Variants in PTPRN2 observed in about 807,000 individuals in gnomAD.
PTPRN2 encodes receptor-type tyrosine-protein phosphatase N2.
In PTPRN2, 74 loss-of-function variants were observed where a neutral mutation model predicts 118.8. The ratio of observed to expected loss-of-function variants is 0.62; its 90% confidence interval spans 0.52 to 0.76. The LOEUF (loss-of-function observed/expected upper bound fraction) is 0.76. PTPRN2 is among the 30% of genes least tolerant of loss of function. PTPRN2 has a pLI of 0.00. For synonymous variants in PTPRN2, 641 were observed against 608.0 expected (o/e 1.05, Z -0.80); for missense variants, 1,481 against 1,394.4 (o/e 1.06, Z -0.99).
In PTPRN2 at chr7:157,671,934, G is replaced by A. The variant is rs113755509; in HGVS notation, c.2001+10791C>T. Among the ~76,000 whole-genome samples the A allele has an allele frequency of 6.6e-6, 1 of 152,134 alleles. No homozygotes were observed. Among genetic ancestry groups the A allele is most frequent in the East Asian group, 1.9e-4 (1 of 5,158 alleles). On this transcript the variant is annotated intron_variant, in intron 13 of 22. Transcript: ENST00000389418. The surrounding 1 kb of genome is among the most constrained non-coding windows in gnomAD (Gnocchi z 4.1). ...GTACGGGGAGTTTCTAAAAGTCTAC[G>A]CTGTACCCCAAGAAGGGGACGGGTG...
Position 157,974,860 on chromosome 7 carries a change from G to A in PTPRN2, c.1724-76123C>T, listed in dbSNP as rs1432669514. ...GCTGTGCGGGCGGGCACTGAGAAGA[G>A]GTGCCCACGTCCATCCCCAGCCCCT... On this transcript the variant is annotated intron_variant, in intron 11 of 22. Transcript: ENST00000389418. The surrounding 1 kb of genome is among the most constrained non-coding windows in gnomAD (Gnocchi z 4.0). Among the ~76,000 whole-genome samples, 2 of 152,118 alleles carry A rather than the reference G, an allele frequency of 1.3e-5. No individual in the cohort carries two copies. The highest frequency in any genetic ancestry group is 4.8e-5 in the African/African-American group (2 of 41,408).
chr7:157,907,487 G>A (rs112240785), intron 11 of PTPRN2, among the ~76,000 whole-genome samples: 93 of 148,266 alleles, frequency 6.3e-4, no homozygotes, highest in Middle Eastern at 7.4e-3. Context: ...TGTCCCCTGC[G>A]TGTGGGGTGT....
chr7:158,331,845 A>C, intron 2 of PTPRN2, among the ~76,000 whole-genome samples: 1 of 108,970 alleles, frequency 9.2e-6, no homozygotes, highest in East Asian at 2.5e-4. Context: ...GACGACACTA[A>C]CAACCAGATT....
At chr7:158,305,761 T>G (rs1347792854) in intron 3 of PTPRN2, among the ~76,000 whole-genome samples, 1 of 124,872 alleles carries the variant, frequency 8.0e-6, no homozygotes, top group Admixed American at 8.0e-5. Flanking sequence ...GGAAATTAAC[T>G]AAAGGCTAGC....
At chr7:157,945,830 C>A (rs1781808634) in intron 11 of PTPRN2, among the ~76,000 whole-genome samples, 2 of 152,080 alleles carry the variant, frequency 1.3e-5, no homozygotes, top group South Asian at 4.1e-4. Context: ...GCAAGTCCAG[C>A]CACACCACTT....
At chr7:157,949,438 G>A (rs1291675594) in intron 11 of PTPRN2, among the ~76,000 whole-genome samples, 1 of 152,152 alleles carries the variant, frequency 6.6e-6, no homozygotes, top group East Asian at 1.9e-4. Flanking sequence ...TAAAATTGTT[G>A]AGAACATGGA....
chr7:157,646,734 C>T (rs949471297), intron 14 of PTPRN2, among the ~76,000 whole-genome samples: 8 of 152,184 alleles, frequency 5.3e-5, no homozygotes, highest in South Asian at 4.1e-4. Flanking sequence ...TGCATGGACA[C>T]GGGAGGCTCT....
intron 6 of PTPRN2, among the ~76,000 whole-genome samples, chr7:158,143,889 G>A (rs1162186203): frequency 6.6e-6 from 1 of 152,144 alleles, no homozygotes; most frequent in Non-Finnish European, 1.5e-5. Context: ...ACCTGCATCT[G>A]TAGACACCGC....
At chr7:158,253,459 ACCGGGTGATTG>A (rs1796818521) in intron 3 of PTPRN2, among the ~76,000 whole-genome samples, 1 of 152,182 alleles carries the variant, frequency 6.6e-6, no homozygotes, top group South Asian at 2.1e-4. Context: ...GTTTCCAGTC[ACCGGGTGATTG>A]CCGCGCCTGT....
At chr7:158,190,549 T>C (rs73173690) in intron 5 of PTPRN2, among the ~76,000 whole-genome samples, 53,833 of 151,924 alleles carry the variant, frequency 0.35, 9,819 homozygotes, top group African/African-American at 0.45. Context: ...GGACTGGCCT[T>C]TCATTGTGAG....
chr7:158,207,823 G>T (rs1827276910), intron 3 of PTPRN2, among the ~76,000 whole-genome samples: 3 of 152,126 alleles, frequency 2.0e-5, no homozygotes. Context: ...GAGAGACAGG[G>T]ATAGATATGT....
intron 6 of PTPRN2, among the ~76,000 whole-genome samples, chr7:158,154,761 TAA>T (rs1563527662): frequency 8.4e-5 from 2 of 23,934 alleles, no homozygotes; most frequent in Non-Finnish European, 2.9e-4. Context: ...AAAAAAATCA[TAA>T]GTATATAAGA....
rs147595202 is a variant in PTPRN2, at chr7:158,581,307, C to T, written c.112+6251G>A. On this transcript the variant is annotated intron_variant, in intron 1 of 22. Coordinates refer to ENST00000389418, the MANE Select transcript of PTPRN2 (RefSeq NM_002847.5). ...TAAATTGAAGATAGAAATACCTATG[C>T]GGGTTATTCTGGGGAATACATGTCA... 6.4e-4 allele frequency among the ~76,000 whole-genome samples: 97 copies of T among 152,180 alleles called. 1 individual carries two copies. The highest frequency in any genetic ancestry group is 2.1e-3 in the African/African-American group (88 of 41,518).
In PTPRN2 at chr7:157,868,963, T is replaced by C. The variant is rs769545705; in HGVS notation, c.1788+29710A>G. 6.6e-6 allele frequency: 1 copy of C among 152,140 alleles called. No homozygotes were observed. The highest frequency in any genetic ancestry group is 1.5e-5 in the Non-Finnish European group (1 of 68,014). The allele number at this position is 152,140 out of a possible 1,614,324, so 9.4% of individuals were successfully genotyped here. On this transcript the variant is annotated intron_variant, in intron 12 of 22. Coordinates refer to ENST00000389418, the MANE Select transcript of PTPRN2 (RefSeq NM_002847.5). The surrounding 1 kb of genome is among the most constrained non-coding windows in gnomAD (Gnocchi z 5.2). ...CCACCACAGTCGTTTGGGGACTCAG[T>C]TCCATGTAGAACCAGATGAAGATTC...
intron 1 of PTPRN2, among the ~76,000 whole-genome samples, chr7:158,507,733 G>A (rs1168555779): frequency 6.6e-6 from 1 of 150,976 alleles, no homozygotes; most frequent in African/African-American, 2.5e-5. Context: ...AATATCCAGG[G>A]GACAGCCCCA....
intron 13 of PTPRN2, among the ~76,000 whole-genome samples, chr7:157,658,265 C>A (rs888700137): frequency 6.6e-6 from 1 of 152,150 alleles, no homozygotes; most frequent in Non-Finnish European, 1.5e-5. Flanking sequence ...AAAAGAAGAA[C>A]CTCATTCTGA....
intron 16 of PTPRN2, among the ~76,000 whole-genome samples, chr7:157,601,061 G>A (rs1180835307): frequency 6.6e-6 from 1 of 152,216 alleles, no homozygotes; most frequent in Non-Finnish European, 1.5e-5. Flanking sequence ...CTGTGTTTGA[G>A]TGGGCTGTTG....
intron 11 of PTPRN2, among the ~76,000 whole-genome samples, chr7:158,052,644 T>C (rs1390178731): frequency 7.0e-6 from 1 of 143,828 alleles, no homozygotes; most frequent in African/African-American, 2.6e-5. Flanking sequence ...CATGGAGGGG[T>C]GCCCTTCGGA....
intron 12 of PTPRN2, among the ~76,000 whole-genome samples, chr7:157,840,448 G>A (rs923357617): frequency 6.8e-6 from 1 of 147,736 alleles, no homozygotes; most frequent in Non-Finnish European, 1.5e-5. Context: ...GCGTGTGACT[G>A]TGTGACCGCG....
Sources: allele counts gnomAD v4.1 joint callset (sites outside exome capture counted in the v4.1 genomes callset), GRCh38; gene constraint gnomAD v4.1.1; non-coding constraint Gnocchi (gnomAD v3.1); transcripts MANE v1.5; gene names NCBI Gene and HGNC (gene_info 2026-07-23, HGNC 2026-07-21).